Variants in KLHL1 observed in about 807,000 individuals in gnomAD.
The protein encoded by KLHL1 is kelch-like protein 1.
A neutral mutation model predicts 77.7 loss-of-function variants in KLHL1; 47 were observed. The ratio of observed to expected loss-of-function variants is 0.60; its 90% CI spans 0.48 to 0.77. The LOEUF is 0.77. Among genes scored for constraint, KLHL1 ranks in the 30% least tolerant of loss-of-function variants. The pLI is 0.00. For synonymous variants in KLHL1, 360 were observed against 325.2 expected, an observed-to-expected ratio of 1.11 and a Z score of -1.15; for missense variants, 925 against 910.8, an observed-to-expected ratio of 1.02 and a Z score of -0.20.
intron 1 of KLHL1, among the ~76,000 whole-genome samples, chr13:70,044,946 T>TG (rs1396663011): frequency 6.6e-6 from 1 of 152,182 alleles, no homozygotes; most frequent in African/African-American, 2.4e-5. Flanking sequence ...AGAATAACCT[T>TG]GGGAAAGTCA....
At chr13:69,786,706 T>G (rs148979296) in intron 7 of KLHL1, among the ~76,000 whole-genome samples, 56,312 of 151,760 alleles carry the variant, frequency 0.37, 10,680 homozygotes, top group African/African-American at 0.44. Flanking sequence ...AGGAAAAGAG[T>G]AAGTCAAATT....
intron 4 of KLHL1, among the ~76,000 whole-genome samples, chr13:69,893,180 A>AT (rs1881488608): frequency 1.3e-5 from 2 of 149,512 alleles, no homozygotes; most frequent in African/African-American, 2.5e-5. Context: ...AGTATACTCT[A>AT]TAAAAAAATT....
chr13:69,866,774 T>C (rs1046941290), intron 5 of KLHL1, among the ~76,000 whole-genome samples: 1 of 152,080 alleles, frequency 6.6e-6, no homozygotes, highest in Non-Finnish European at 1.5e-5. Context: ...CATTGGGAAA[T>C]GCTTATCTAG....
intron 1 of KLHL1, among the ~76,000 whole-genome samples, chr13:70,079,370 G>A (rs948827529): frequency 4.6e-5 from 7 of 152,066 alleles, no homozygotes; most frequent in Admixed American, 6.6e-5. Flanking sequence ...GTATGCCGAC[G>A]TTTGTAACCC....
At chr13:69,768,691 A>C (rs1197433522) in intron 7 of KLHL1, among the ~76,000 whole-genome samples, 1 of 152,150 alleles carries the variant, frequency 6.6e-6, no homozygotes, top group African/African-American at 2.4e-5. Context: ...ATATGAATAA[A>C]AACCTAGTAA....
Position 69,764,134 on chromosome 13 carries a change from C to T in KLHL1, c.1640-23578G>A, listed in dbSNP as rs140085969. Reference sequence around the variant, plus strand: ...ATTAAATTTAGCCTGAAGCTGCTTCCGTGCATATTTTAAGTTTGCCCTAAA... The same window carrying T: ...ATTAAATTTAGCCTGAAGCTGCTTCTGTGCATATTTTAAGTTTGCCCTAAA... On this transcript the variant is annotated intron_variant, in intron 7 of 10. Transcript: ENST00000377844. 3.3e-5 allele frequency among the ~76,000 whole-genome samples: 5 copies of T among 152,204 alleles called. No homozygotes were observed. The East Asian group carries it at 5.8e-4, about 18-fold the overall frequency.
intron 4 of KLHL1, among the ~76,000 whole-genome samples, chr13:69,921,074 G>T (rs370226161): frequency 7.2e-5 from 11 of 152,254 alleles, no homozygotes; most frequent in African/African-American, 2.6e-4. Flanking sequence ...CAAATAACAA[G>T]GGACAACTAT....
chr13:69,742,682 T>C (rs1199435800), intron 7 of KLHL1, among the ~76,000 whole-genome samples: 1 of 152,162 alleles, frequency 6.6e-6, no homozygotes, highest in Admixed American at 6.5e-5. Context: ...TAATACAAAA[T>C]AAATGTAGCC....
intron 5 of KLHL1, among the ~76,000 whole-genome samples, chr13:69,871,958 C>T (rs1880602945): frequency 1.3e-5 from 2 of 152,104 alleles, no homozygotes; most frequent in South Asian, 4.1e-4. Context: ...TTACCCAGTG[C>T]CAAGGCTGCT....
chr13:69,802,689 C>A (rs931191163), intron 6 of KLHL1, among the ~76,000 whole-genome samples: 2 of 151,532 alleles, frequency 1.3e-5, no homozygotes, highest in Non-Finnish European at 2.9e-5. Context: ...CAGTCCCGTA[C>A]CCCCTGCTTG....
chr13:69,908,872 G>C (rs1427549318), intron 4 of KLHL1, among the ~76,000 whole-genome samples: 1 of 150,528 alleles, frequency 6.6e-6, no homozygotes, highest in South Asian at 2.1e-4. Context: ...AGTGTTAAAA[G>C]AGTGTTTTTC....
intron 7 of KLHL1, among the ~76,000 whole-genome samples, chr13:69,743,503 G>A (rs1874069055): frequency 6.6e-6 from 1 of 152,152 alleles, no homozygotes; most frequent in African/African-American, 2.4e-5. Flanking sequence ...AACAAATCAG[G>A]GCTGGACGTG....
rs1002746943 is a variant in KLHL1 at position 69,829,711 on chromosome 13, T to A, written c.1414+9265A>T. Among the ~76,000 whole-genome samples, 44 of 149,970 alleles carry A rather than the reference T, an allele frequency of 2.9e-4. 4 individuals are homozygous for A. Among genetic ancestry groups the A allele is most frequent in the African/African-American group, 1.1e-3 (44 of 39,980 alleles). ...AAGAGCTGTGAGGCAAAGCATCAGA[T>A]AACCTATAAAGAAAAACCTATCAAA... On this transcript the variant is annotated intron_variant, in intron 6 of 10. Coordinates refer to ENST00000377844, the MANE Select transcript of KLHL1 (RefSeq NM_020866.3).
chr13:69,911,118 T>C (rs1298261357), intron 4 of KLHL1, among the ~76,000 whole-genome samples: 1 of 152,104 alleles, frequency 6.6e-6, no homozygotes, highest in Non-Finnish European at 1.5e-5. Flanking sequence ...TCTTTCTCTC[T>C]CTCTCTTCTG....
At chr13:70,011,976 C>T (rs778815129) in intron 1 of KLHL1, among the ~76,000 whole-genome samples, 11 of 152,092 alleles carry the variant, frequency 7.2e-5, no homozygotes, top group African/African-American at 2.7e-4. Context: ...TGGATGGCAG[C>T]AGGCAAAGAG....
chr13:70,107,759 T>TG lies in KLHL1; in HGVS notation c.-61dup. 1 of 1,341,058 alleles carries TG rather than the reference T, an allele frequency of 7.5e-7. No individual in the cohort carries two copies. Among genetic ancestry groups the TG allele is most frequent in the Non-Finnish European group, 1.0e-6 (1 of 1,004,380 alleles). The allele number at this position is 1,341,058 out of a possible 1,614,324, so 83.1% of individuals were successfully genotyped here. A position where few individuals can be genotyped will look rare whatever the true frequency, so the allele number is the denominator to read the frequency against. ...ACGCAGGAGTAGGCTGGTCAGCAGG[T>TG]GGGGGAGGACAGCGGGGCCCGGGGG... On this transcript the variant is annotated 5_prime_UTR_variant, in exon 1 of 11. Transcript: ENST00000377844.
At chr13:69,719,217 A>ACAGC (rs1872922415) in intron 9 of KLHL1, 152 bp downstream of exon 9, 1 of 337,462 alleles carries the variant, frequency 3.0e-6, no homozygotes, top group African/African-American at 2.3e-5. Context: ...TGTGAGAGAG[A>ACAGC]GAGAGAGAGA....
intron 4 of KLHL1, among the ~76,000 whole-genome samples, chr13:69,939,334 T>G: frequency 1.3e-5 from 1 of 75,560 alleles, no homozygotes; most frequent in South Asian, 4.9e-4. Flanking sequence ...TATATACATA[T>G]ACATACATAT....
rs1391137001 is a variant in KLHL1, at chr13:69,882,459, A to C, written c.1051T>G (p.Leu351Val). 1.2e-6 allele frequency: 2 copies of C among 1,613,624 alleles called. No individual in the cohort carries two copies. Among genetic ancestry groups the C allele is most frequent in the African/African-American group, 2.7e-5 (2 of 74,916 alleles). The change falls in exon 5 of 11, where the codon TTA becomes GTA. Residue 351 changes from leucine to valine, a missense_variant. Physicochemically the swap from Leu to Val is conservative, Grantham distance 32. Transcript: ENST00000377844. ...TGGAGCTCCTCAGCTGGAAGGAGTA[A>C]AAACTCTTGATTTCTGATAACTTCC... Reference protein sequence around the residue: ...IMEVIRNQEFLLLPAEELHKL... With the variant: ...IMEVIRNQEFVLLPAEELHKL...
Sources: allele counts gnomAD v4.1 joint callset (sites outside exome capture counted in the v4.1 genomes callset), GRCh38; gene constraint gnomAD v4.1.1; transcripts MANE v1.5; gene names NCBI Gene and HGNC (gene_info 2026-07-23, HGNC 2026-07-21).